Variants in IL1RAPL2 observed in about 807,000 individuals in gnomAD.
IL1RAPL2 encodes interleukin 1 receptor accessory protein like 2, also known as X-linked interleukin-1 receptor accessory protein-like 2.
IL1RAPL2 carries 3 observed loss-of-function variants against 44.1 expected under a neutral mutation model. That is an observed-to-expected ratio of 0.07 (90% CI 0.03 to 0.18). The LOEUF (loss-of-function observed/expected upper bound fraction) is 0.18, where lower values mean the gene tolerates loss of function less well. IL1RAPL2 is among the 10% of genes least tolerant of loss of function. The probability of loss-of-function intolerance (pLI) is 1.00; values close to 1 mark genes in which losing one functional copy is unlikely to be tolerated. For missense variants in IL1RAPL2, 391 were observed against 496.4 expected, an observed-to-expected ratio of 0.79 and a Z score of 2.02; for synonymous variants, 181 against 178.8, an observed-to-expected ratio of 1.01 and a Z score of -0.10.
chrX:105,084,143 A>T (rs2032449521), intron 2 of IL1RAPL2, among the ~76,000 whole-genome samples: 1 of 112,472 alleles, frequency 8.9e-6, no homozygotes, highest in African/African-American at 3.2e-5. Flanking sequence ...TCTCATGGAG[A>T]ACCTCTGCTA....
intron 5 of IL1RAPL2, among the ~76,000 whole-genome samples, chrX:105,451,990 T>TA (rs1377698922): frequency 9.0e-6 from 1 of 111,324 alleles, no homozygotes; most frequent in African/African-American, 3.3e-5. Flanking sequence ...TCACGTGGCC[T>TA]AAAAAACCCT....
intron 2 of IL1RAPL2, among the ~76,000 whole-genome samples, chrX:105,040,667 G>A (rs1381266755): frequency 2.0e-4 from 22 of 110,271 alleles, no homozygotes; most frequent in East Asian, 1.7e-3. Context: ...GTTTATTTGC[G>A]TAGAGGTGTT....
chrX:104,912,616 A>G, intron 2 of IL1RAPL2, among the ~76,000 whole-genome samples: 1 of 111,654 alleles, frequency 9.0e-6, no homozygotes. Flanking sequence ...TAGGAAAAAT[A>G]CTTATTTTTA....
chrX:105,764,842 C>T (rs1278109512), intron 10 of IL1RAPL2, among the ~76,000 whole-genome samples: 1 of 111,426 alleles, frequency 9.0e-6, no homozygotes, highest in East Asian at 2.8e-4. Flanking sequence ...TACATTTAGA[C>T]TAAAAACTAA....
chrX:105,558,720 T>G (rs1043748117), intron 6 of IL1RAPL2, among the ~76,000 whole-genome samples: 1 of 112,228 alleles, frequency 8.9e-6, no homozygotes, highest in African/African-American at 3.2e-5. Flanking sequence ...GCAAATCAAG[T>G]AGGAAGTAGT....
intron 5 of IL1RAPL2, among the ~76,000 whole-genome samples, chrX:105,381,488 C>T (rs1430653147): frequency 9.0e-6 from 1 of 111,639 alleles, no homozygotes; most frequent in African/African-American, 3.3e-5. Flanking sequence ...TGCTCACACA[C>T]TAAACAGAGA....
At chrX:105,029,944 C>A (rs1336840033) in intron 2 of IL1RAPL2, among the ~76,000 whole-genome samples, 1 of 111,674 alleles carries the variant, frequency 9.0e-6, no homozygotes, top group Non-Finnish European at 1.9e-5. Context: ...GATCGCCATT[C>A]CAACTGGTGT....
chrX:105,595,517 T>C (rs909594029), intron 6 of IL1RAPL2, among the ~76,000 whole-genome samples: 6 of 111,849 alleles, frequency 5.4e-5, no homozygotes, highest in Non-Finnish European at 9.4e-5. Flanking sequence ...GAAAAATAAG[T>C]GAGTTAAAAC....
In IL1RAPL2 at chrX:104,616,016, T is replaced by A. The variant is rs144418607; in HGVS notation, c.-19-42879T>A. ...TTTTTTCATATGTTTGTTGGCCACA[T>A]GAATGTCTTCTTTTGAGAAATGTCT... is the stretch of plus-strand genomic sequence containing the variant. On this transcript the variant is annotated intron_variant, in intron 1 of 10. Transcript: ENST00000372582. Among the ~76,000 whole-genome samples the A allele has an allele frequency of 4.1e-3, 466 of 112,318 alleles. 3 individuals are homozygous for A. Among genetic ancestry groups the A allele is most frequent in the Non-Finnish European group, 5.3e-3 (282 of 53,276 alleles).
chrX:105,564,172 C>G (rs1246916838), intron 6 of IL1RAPL2, among the ~76,000 whole-genome samples: 2 of 111,081 alleles, frequency 1.8e-5, no homozygotes, highest in African/African-American at 6.6e-5. Flanking sequence ...CATAAGGGCT[C>G]CATATCCTAA....
At chrX:104,947,173 T>G (rs1925403569) in intron 2 of IL1RAPL2, among the ~76,000 whole-genome samples, 2 of 112,327 alleles carry the variant, frequency 1.8e-5, no homozygotes, top group Non-Finnish European at 3.8e-5. Flanking sequence ...CCAGTGATGA[T>G]GAGCATGTTT....
intron 1 of IL1RAPL2, among the ~76,000 whole-genome samples, chrX:104,636,008 C>CTT (rs1929794996): frequency 1.8e-5 from 2 of 111,647 alleles, no homozygotes; most frequent in African/African-American, 6.5e-5. Flanking sequence ...TGGTGATGTA[C>CTT]AGATGGGGTT....
intron 6 of IL1RAPL2, among the ~76,000 whole-genome samples, chrX:105,562,430 G>A (rs1037522490): frequency 2.8e-5 from 3 of 108,760 alleles, no homozygotes; most frequent in Non-Finnish European, 5.7e-5. Context: ...TAACTAGTCT[G>A]ATTTGATCAT....
chrX:105,591,305 C>CT (rs924517230), intron 6 of IL1RAPL2, among the ~76,000 whole-genome samples: 21 of 109,084 alleles, frequency 1.9e-4, no homozygotes, highest in African/African-American at 7.0e-4. Flanking sequence ...GATGTTCTCT[C>CT]TTTTTTTCTT....
intron 2 of IL1RAPL2, among the ~76,000 whole-genome samples, chrX:105,069,646 A>C (rs937460889): frequency 1.8e-5 from 2 of 112,486 alleles, no homozygotes; most frequent in African/African-American, 6.5e-5. Flanking sequence ...GATTAAAACA[A>C]AATAAAGTCT....
intron 2 of IL1RAPL2, among the ~76,000 whole-genome samples, chrX:104,911,599 C>T (rs967529446): frequency 7.2e-5 from 8 of 111,817 alleles, no homozygotes; most frequent in Non-Finnish European, 1.3e-4. Context: ...TGTTCACTCT[C>T]CACTCTTGCT....
At chrX:105,437,277 T>C (rs2035888834) in intron 5 of IL1RAPL2, among the ~76,000 whole-genome samples, 1 of 110,355 alleles carries the variant, frequency 9.1e-6, no homozygotes, top group Admixed American at 9.8e-5. Context: ...CTTACTTCTT[T>C]TTTATTCTTA....
chrX:104,762,317 A>G (rs1266657976), intron 2 of IL1RAPL2, among the ~76,000 whole-genome samples: 1 of 111,254 alleles, frequency 9.0e-6, no homozygotes, highest in Admixed American at 9.5e-5. Flanking sequence ...CAAATCCTAA[A>G]GCTCCAAAAT....
At chrX:105,158,821 A>T (rs1224076227) in intron 2 of IL1RAPL2, among the ~76,000 whole-genome samples, 1 of 111,753 alleles carries the variant, frequency 8.9e-6, no homozygotes, top group East Asian at 2.8e-4. Context: ...TAGCTGTGCA[A>T]ACTGGGGCAA....
Sources: gnomAD v4.1 joint callset for allele counts (sites outside exome capture counted in the v4.1 genomes callset) on GRCh38, gnomAD v4.1.1 for gene constraint, MANE v1.5 for transcripts, NCBI Gene and HGNC (gene_info 2026-07-23, HGNC 2026-07-21) for gene names.